The following RBFOX1 variants were observed in gnomAD, a reference collection of about 807,000 sequenced individuals.
RBFOX1 encodes RNA binding protein fox-1 homolog 1.
In RBFOX1, 8 loss-of-function variants were observed where a neutral mutation model predicts 57.7. The ratio of observed to expected loss-of-function variants is 0.14; its 90% confidence interval spans 0.08 to 0.25. RBFOX1 has a LOEUF of 0.25. Ranked by LOEUF, RBFOX1 falls within the 10% of genes least tolerant of loss-of-function variation. The pLI is 1.00. For synonymous variants in RBFOX1, 326 were observed against 222.4 expected (o/e 1.47, Z -4.15); for missense variants, 611 against 548.5 (o/e 1.11, Z -1.14).
chr16:5,746,587 T>C lies in RBFOX1; in HGVS notation c.319-120716T>C, dbSNP rs1218210337. Among the ~76,000 whole-genome samples the C allele has an allele frequency of 3.3e-5, 5 of 152,204 alleles. No individual in the cohort carries two copies. The East Asian group carries it at 7.7e-4, about 23-fold the overall frequency. ...TATCCATGAGCATGGAATGTTCTTC[T>C]ATTTGTTTGTGTCCTCTTTTATTTC... On this transcript the variant is annotated intron_variant, in intron 3 of 19. Coordinates refer to the RBFOX1 transcript ENST00000641259.
At chr16:5,942,826 A>C (rs932583703) in intron 4 of RBFOX1, among the ~76,000 whole-genome samples, 1 of 152,210 alleles carries the variant, frequency 6.6e-6, no homozygotes, top group African/African-American at 2.4e-5. Context: ...AGGCACTTTC[A>C]AGCTGAGGGC....
intron 4 of RBFOX1, among the ~76,000 whole-genome samples, chr16:7,207,003 C>A (rs113386700): frequency 2.0e-4 from 30 of 152,282 alleles, no homozygotes; most frequent in African/African-American, 7.0e-4. Flanking sequence ...TAGCCCCTTG[C>A]AGCTCAGTGC....
intron 13 of RBFOX1, chr16:7,671,524 C>T (rs1326611267): frequency 3.2e-6 from 5 of 1,560,312 alleles, no homozygotes; most frequent in South Asian, 2.2e-5. Context: ...TTCATTTTTG[C>T]ATTGAAAACA....
In RBFOX1 at chr16:5,839,629, G is replaced by A. The variant is rs567604612; in HGVS notation, c.319-27674G>A. On this transcript the variant is annotated intron_variant, in intron 3 of 19. Transcript: ENST00000641259. ...AAGAATACTGGAGTCAGGTGGTTCC[G>A]GGACTAGTTCAACAGCATCAGGAAT... Among the ~76,000 whole-genome samples, 9 of 152,222 alleles carry A rather than the reference G, an allele frequency of 5.9e-5. 1 individual carries two copies. Among genetic ancestry groups the A allele is most frequent in the South Asian group, 2.1e-4 (1 of 4,822 alleles).
At chr16:6,381,801 C>G (rs2091844351) in intron 2 of RBFOX1, among the ~76,000 whole-genome samples, 1 of 152,210 alleles carries the variant, frequency 6.6e-6, no homozygotes, top group South Asian at 2.1e-4. Context: ...GGGATTCCAG[C>G]AAGTGGACTT....
At chr16:6,724,510 C>G (rs11645090) in intron 3 of RBFOX1, among the ~76,000 whole-genome samples, 27,926 of 152,004 alleles carry the variant, frequency 0.18, 2,789 homozygotes, top group Admixed American at 0.22. Context: ...ACCTGGCTGC[C>G]ATCTTCTGTG....
At chr16:7,358,082 T>G (rs1299192660) in intron 4 of RBFOX1, among the ~76,000 whole-genome samples, 1 of 152,204 alleles carries the variant, frequency 6.6e-6, no homozygotes, top group Non-Finnish European at 1.5e-5. Context: ...AGGCTGATCT[T>G]CGATAGGTAA....
chr16:6,049,579 AACACCT>A lies in RBFOX1; in HGVS notation c.-127+29588_-127+29593del, dbSNP rs533639679. On this transcript the variant is annotated intron_variant, in intron 1 of 15. Coordinates refer to ENST00000550418, the MANE Select transcript of RBFOX1 (RefSeq NM_018723.4). ...TAAAGGATAAGAAGGTTTTTTTCCT[AACACCT>A]GTAATATCTACTAACAATTAACAGT... Among the ~76,000 whole-genome samples, 484 of 152,288 alleles carry A rather than the reference AACACCT, an allele frequency of 3.2e-3. 5 individuals carry two copies. The highest frequency in any genetic ancestry group is 0.011 in the African/African-American group (462 of 41,570).
chr16:6,352,543 G>T (rs1027579701), intron 2 of RBFOX1, among the ~76,000 whole-genome samples: 2 of 152,072 alleles, frequency 1.3e-5, no homozygotes, highest in African/African-American at 4.8e-5. Flanking sequence ...ACAAAGGAGG[G>T]CACTGAGAGC....
At chr16:5,725,470 C>A (rs1293571771) in intron 3 of RBFOX1, among the ~76,000 whole-genome samples, 1 of 151,708 alleles carries the variant, frequency 6.6e-6, no homozygotes, top group Non-Finnish European at 1.5e-5. Flanking sequence ...TCTTTGTTTT[C>A]CAGTCTTGTC....
intron 5 of RBFOX1, among the ~76,000 whole-genome samples, chr16:7,546,410 C>T (rs911253990): frequency 3.3e-5 from 5 of 152,044 alleles, no homozygotes; most frequent in Non-Finnish European, 7.4e-5. Context: ...TACCTTGTGT[C>T]AGCTGTTGCA....
intron 1 of RBFOX1, among the ~76,000 whole-genome samples, chr16:5,301,057 A>T (rs11864690): frequency 0.021 from 3,138 of 152,228 alleles, 105 homozygotes; most frequent in African/African-American, 0.071. Flanking sequence ...TCCTCCCTTC[A>T]TGTGTGAACT....
At chr16:6,769,696 A>T (rs1316951300) in intron 3 of RBFOX1, among the ~76,000 whole-genome samples, 3 of 152,148 alleles carry the variant, frequency 2.0e-5, no homozygotes, top group African/African-American at 7.2e-5. Flanking sequence ...TTCCCTGCTG[A>T]TGTAGGATAA....
At chr16:6,984,224 G>A (rs184557155) in intron 3 of RBFOX1, among the ~76,000 whole-genome samples, 1 of 152,232 alleles carries the variant, frequency 6.6e-6, no homozygotes, top group East Asian at 1.9e-4. Flanking sequence ...TCCAGCCTAC[G>A]CAACAAGAGT....
intron 4 of RBFOX1, among the ~76,000 whole-genome samples, chr16:7,208,210 T>C (rs1489788230): frequency 2.0e-5 from 3 of 152,224 alleles, no homozygotes; most frequent in Non-Finnish European, 4.4e-5. Context: ...TGTCACCATC[T>C]ATAATCGGCC....
intron 2 of RBFOX1, among the ~76,000 whole-genome samples, chr16:6,637,564 T>TCTATATAGTATATATAGAATAG (rs756936561): frequency 0.87 from 111,368 of 128,358 alleles, 50,463 homozygotes; most frequent in Non-Finnish European, 0.99. Flanking sequence ...ATATATAATA[T>TCTATATAGTATATATAGAATAG]TCTATATAGT....
chr16:7,236,308 G>C (rs1477579425), intron 4 of RBFOX1, among the ~76,000 whole-genome samples: 3 of 152,210 alleles, frequency 2.0e-5, no homozygotes, highest in African/African-American at 7.2e-5. Context: ...TATTGTTTCA[G>C]CTCAAGTTAG....
intron 4 of RBFOX1, among the ~76,000 whole-genome samples, chr16:7,255,886 T>C (rs1248858085): frequency 2.0e-5 from 3 of 152,216 alleles, no homozygotes; most frequent in African/African-American, 7.2e-5. Context: ...TAGCCACATA[T>C]GGCTTTCCGT....
intron 4 of RBFOX1, among the ~76,000 whole-genome samples, chr16:7,303,317 C>T (rs940452506): frequency 9.2e-5 from 14 of 152,278 alleles, no homozygotes; most frequent in Middle Eastern, 3.4e-3. Flanking sequence ...CCCAAGCTCC[C>T]TCCTGCCCCC....
Sources: allele counts gnomAD v4.1 joint callset (sites outside exome capture counted in the v4.1 genomes callset), GRCh38; gene constraint gnomAD v4.1.1; transcripts MANE v1.5; gene names NCBI Gene and HGNC (gene_info 2026-07-23, HGNC 2026-07-21).